The following VPS37D variants were observed in gnomAD, a reference collection of about 807,000 sequenced individuals.
VPS37D encodes the protein VPS37D subunit of ESCRT-I, also known as vacuolar protein sorting-associated protein 37D.
Under a neutral mutation model 22.0 loss-of-function variants are expected in VPS37D, and 5 were observed. That is an observed-to-expected ratio of 0.23 (90% confidence interval 0.12 to 0.48). The LOEUF is 0.48. VPS37D is among the 20% of genes least tolerant of loss of function. The pLI is 0.99. For synonymous variants in VPS37D, 174 were observed against 159.3 expected (o/e 1.09, Z -0.69); for missense variants, 384 against 345.8 (o/e 1.11, Z -0.88).
intron 3 of VPS37D, among the ~76,000 whole-genome samples, chr7:73,670,579 G>A (rs189575629): frequency 0.032 from 4,810 of 152,270 alleles, 78 homozygotes; most frequent in Non-Finnish European, 0.038. Flanking sequence ...AGACCGAGGC[G>A]GGCGGATCGC....
At position 73,671,433 on chromosome 7, in the gene VPS37D, TCCTCCTCCC is replaced by T; in HGVS notation, c.*60_*68del. On this transcript the variant is annotated 3_prime_UTR_variant, in exon 4 of 4. Transcript: ENST00000324941. The stretch of plus-strand genomic sequence containing the variant: ...CTAGACAAACTTGATGCGTGGCTCC[TCCTCCTCCC>T]CCACTGCCTGGGTGGGGGGAGGGGC... 1 of 1,050,014 alleles carries T rather than the reference TCCTCCTCCC, an allele frequency of 9.5e-7. No individual in the cohort carries two copies. The highest frequency in any genetic ancestry group is 1.3e-6 in the Non-Finnish European group (1 of 797,606). The allele number at this position is 1,050,014 out of a possible 1,614,324, so 65.0% of individuals were successfully genotyped here.
intron 3 of VPS37D, 89 bp downstream of exon 3, chr7:73,670,191 A>T: frequency 6.5e-7 from 1 of 1,539,006 alleles, no homozygotes; most frequent in Non-Finnish European, 8.8e-7. Context: ...CAGGCTGGGG[A>T]GCCCCTCCTC....
intron 1 of VPS37D, 151 bp from the exon 2 acceptor site, chr7:73,669,268 C>T: frequency 3.1e-6 from 3 of 964,264 alleles, no homozygotes; most frequent in Non-Finnish European, 4.5e-6. Context: ...GTCATCGTCC[C>T]TTCACCTGTT....
rs1206836922 is a variant in VPS37D, at chr7:73,667,994, G to T, written c.36G>T (p.Glu12Asp). Residue 12 changes from glutamate to aspartate, a missense_variant, in exon 1 of 4, where the codon GAG becomes GAT. Transcript: ENST00000324941. ...CCCGGGCGGCGCGGGCGGGGCCGGA[G>T]CCCGGCAGCCCGGGGCGCTTTGGGA... The part of the protein sequence containing the change: ...YRARAARAGP[E>D]PGSPGRFGIL... 3.2e-5 allele frequency: 35 copies of T among 1,103,360 alleles called. No individual in the cohort carries two copies. Among genetic ancestry groups the T allele is most frequent in the Non-Finnish European group, 3.7e-5 (33 of 902,620 alleles). The allele number at this position is 1,103,360 out of a possible 1,614,324, so 68.3% of individuals were successfully genotyped here.
chr7:73,670,212 AC>A, intron 3 of VPS37D, 110 bp downstream of exon 3: 1 of 1,500,274 alleles, frequency 6.7e-7, no homozygotes, highest in Non-Finnish European at 9.0e-7. Context: ...TGGGAAGTCC[AC>A]CCTGAATGCC....
At position 73,671,921 on chromosome 7, in the gene VPS37D, G is replaced by A. The variant is rs1554609904; in HGVS notation, c.*545G>A. 1 of 152,358 alleles carries A rather than the reference G, an allele frequency of 6.6e-6. No homozygotes were observed. The highest frequency in any genetic ancestry group is 1.9e-4 in the East Asian group (1 of 5,194). 9.4% of individuals were successfully genotyped at this position (152,358 alleles called of 1,614,324 possible). On this transcript the variant is annotated 3_prime_UTR_variant, in exon 4 of 4. Transcript: ENST00000324941. ...GTGTCCACACATGCTCCAGACCCTG[G>A]GGCAAGGTAGGCCAGGGGCTTCTGA...
At chr7:73,670,249 C>T in intron 3 of VPS37D, 147 bp downstream of exon 3, 5 of 1,359,872 alleles carry the variant, frequency 3.7e-6, no homozygotes, top group Non-Finnish European at 5.0e-6. Flanking sequence ...CCTAGCATTG[C>T]TGTCCACCAG....
chr7:73,666,874 A>T (rs1797384663), upstream of VPS37D, among the ~76,000 whole-genome samples: 1 of 150,542 alleles, frequency 6.6e-6, no homozygotes, highest in Admixed American at 6.6e-5. Flanking sequence ...GCAATCTCCC[A>T]CCTCTGCCTC....
rs58161686 is a variant in VPS37D at position 73,670,865 on chromosome 7, G to A, written c.394-149G>A. The A allele has an allele frequency of 8.4e-4, 965 of 1,145,428 alleles. 3 individuals carry two copies. In the African/African-American group the frequency reaches 0.014, roughly 16 times the overall value. 71.0% of individuals were successfully genotyped at this position (1,145,428 alleles called of 1,614,324 possible). A position where few individuals can be genotyped will look rare whatever the true frequency, so the allele number is the denominator to read the frequency against. ...TCCACAGTTCACTTAGCAAGTAATC[G>A]GAGGCAGGCCCAGGCTGGAACGCAG... On this transcript the variant is annotated intron_variant, in intron 3 of 3. Transcript: ENST00000324941.
chr7:73,669,968 G>A (rs1797469310), intron 2 of VPS37D, 52 bp from the exon 3 acceptor site: 8 of 1,550,916 alleles, frequency 5.2e-6, no homozygotes, highest in Non-Finnish European at 7.0e-6. Context: ...GCGGGAGAGT[G>A]CAAGCCCGGG....
Position 73,669,401 on chromosome 7 carries a change from G to C in VPS37D, c.139-18G>C. 1 of 1,536,318 alleles carries C rather than the reference G, an allele frequency of 6.5e-7. No individual in the cohort carries two copies. The highest frequency in any genetic ancestry group is 8.8e-7 in the Non-Finnish European group (1 of 1,137,458). ...GCAGATCCCCTGAGCGGGCCTCTTA[G>C]CTCCTCTCTGCCCGCAGTTCCAGGG... On this transcript the variant is annotated intron_variant, in intron 1 of 3. Transcript: ENST00000324941.
rs1554609694 is a variant in VPS37D at position 73,671,210 on chromosome 7, C to G, written c.590C>G (p.Ala197Gly). 6.3e-7 allele frequency: 1 copy of G among 1,581,786 alleles called. No homozygotes were observed. Among genetic ancestry groups the G allele is most frequent in the Non-Finnish European group, 8.6e-7 (1 of 1,165,298 alleles). ...ADPPKSFPAA[A>G]VLPTGAARGP... Reference sequence around the variant, plus strand: ...CCCCCCAAATCCTTCCCGGCTGCAGCTGTCCTGCCCACTGGGGCCGCCCGG... The same window carrying G: ...CCCCCCAAATCCTTCCCGGCTGCAGGTGTCCTGCCCACTGGGGCCGCCCGG... Residue 197 changes from alanine to glycine, a missense_variant, in exon 4 of 4, where the codon GCT becomes GGT. By Grantham distance (60) the Ala-to-Gly change is moderately conservative (BLOSUM62 0). Transcript: ENST00000324941.
At chr7:73,667,597 G>T (rs1482295279), upstream of VPS37D, among the ~76,000 whole-genome samples, 1 of 152,232 alleles carries the variant, frequency 6.6e-6, no homozygotes, top group Non-Finnish European at 1.5e-5. Context: ...ACCGCCCGGG[G>T]TGGGAGAGTC....
In VPS37D at chr7:73,667,880, A is replaced by ATCCT; in HGVS notation, c.-79_-78insTCCT. Reference sequence around the variant, plus strand: ...GGAGCGGATCCTGGAGCCGGAGCGGAGCGGAGCGGAGCGGAGCCGGGGCGG... The same window carrying ATCCT: ...GGAGCGGATCCTGGAGCCGGAGCGGATCCTGCGGAGCGGAGCGGAGCCGGGGCGG... On this transcript the variant is annotated 5_prime_UTR_variant, in exon 1 of 4. Coordinates refer to ENST00000324941, the MANE Select transcript of VPS37D (RefSeq NM_001077621.2). The ATCCT allele has an allele frequency of 2.6e-6, 1 of 387,636 alleles. No individual in the cohort carries two copies. The highest frequency in any genetic ancestry group is 3.5e-6 in the Non-Finnish European group (1 of 284,076). The allele number at this position is 387,636 out of a possible 1,614,324, so 24.0% of individuals were successfully genotyped here.
upstream of VPS37D, among the ~76,000 whole-genome samples, chr7:73,665,873 C>T (rs1256420018): frequency 6.6e-6 from 1 of 152,148 alleles, no homozygotes; most frequent in African/African-American, 2.4e-5. Flanking sequence ...TTTTTTGAGA[C>T]GGGGTCTTGC....
chr7:73,668,035 A>G lies in VPS37D; in HGVS notation c.77A>G (p.Gln26Arg). The change falls in exon 1 of 4, where the codon CAG becomes CGG. Residue 26 changes from glutamine to arginine, a missense_variant. Coordinates refer to ENST00000324941, the MANE Select transcript of VPS37D (RefSeq NM_001077621.2). ...CGCTTTGGGATCCTCAGCACCGGGCAGCTCCGGGACCTGCTTCAGGATGAG... is the reference window on the plus strand; with the variant it reads ...CGCTTTGGGATCCTCAGCACCGGGCGGCTCCGGGACCTGCTTCAGGATGAG... ...PGRFGILSTG[Q>R]LRDLLQDEPK... 1 of 1,161,128 alleles carries G rather than the reference A, an allele frequency of 8.6e-7. No individual in the cohort carries two copies. The highest frequency in any genetic ancestry group is 1.1e-6 in the Non-Finnish European group (1 of 931,932). The allele number at this position is 1,161,128 out of a possible 1,614,324, so 71.9% of individuals were successfully genotyped here.
At chr7:73,670,700 C>T (rs1797487615) in intron 3 of VPS37D, among the ~76,000 whole-genome samples, 2 of 151,914 alleles carry the variant, frequency 1.3e-5, no homozygotes, top group Admixed American at 6.6e-5. Context: ...ATCTCAGCTA[C>T]TTGGGAGGCT....
chr7:73,669,713 T>C, intron 2 of VPS37D, 123 bp downstream of exon 2: 1 of 753,342 alleles, frequency 1.3e-6, no homozygotes, highest in African/African-American at 2.4e-5. Context: ...CCTGGCTTGC[T>C]GGGCAGTAGA....
chr7:73,667,543 G>A (rs1797402931), upstream of VPS37D, among the ~76,000 whole-genome samples: 1 of 152,200 alleles, frequency 6.6e-6, no homozygotes, highest in South Asian at 2.1e-4. Context: ...GAAATTTGTT[G>A]TTGCCATCCG....
Sources: allele counts gnomAD v4.1 joint callset (sites outside exome capture counted in the v4.1 genomes callset), GRCh38; gene constraint gnomAD v4.1.1; transcripts MANE v1.5; gene names NCBI Gene and HGNC (gene_info 2026-07-23, HGNC 2026-07-21).